The following TMEM217 variants were observed in gnomAD, a reference collection of about 807,000 sequenced individuals.
TMEM217 encodes chromosome 6 open reading frame 128.
For missense variants in TMEM217, 204 were observed against 248.8 expected (o/e 0.82, Z 1.21); for synonymous variants, 76 against 88.3 (o/e 0.86, Z 0.78).
chr6:37,232,057 CA>C (rs1331046367), intron 1 of TMEM217, among the ~76,000 whole-genome samples: 1 of 152,104 alleles, frequency 6.6e-6, no homozygotes, highest in African/African-American at 2.4e-5. Context: ...AAGGATAAGT[CA>C]CCTTATGAGG....
At chr6:37,249,410 T>A (rs1017404718) in intron 1 of TMEM217, among the ~76,000 whole-genome samples, 4 of 152,192 alleles carry the variant, frequency 2.6e-5, no homozygotes, top group Non-Finnish European at 2.9e-5. Context: ...ACCTCCACTT[T>A]CCAGGTTCAA....
At chr6:37,216,001 GTGTGTGTGTGTGT>G (rs1763183308), downstream of TMEM217, among the ~76,000 whole-genome samples, 1 of 17,598 alleles carries the variant, frequency 5.7e-5, no homozygotes, top group Non-Finnish European at 1.1e-4. Context: ...CAGGGTGTGT[GTGTGTGTGTGTGT>G]GTGTGTGTGT....
At chr6:37,242,573 C>A (rs1764823620) in intron 1 of TMEM217, among the ~76,000 whole-genome samples, 1 of 152,144 alleles carries the variant, frequency 6.6e-6, no homozygotes, top group Non-Finnish European at 1.5e-5. Flanking sequence ...GAAACCAGCC[C>A]CAGCTTGGAA....
intron 1 of TMEM217, among the ~76,000 whole-genome samples, chr6:37,247,654 G>A (rs1765167052): frequency 6.6e-6 from 1 of 152,082 alleles, no homozygotes; most frequent in African/African-American, 2.4e-5. Flanking sequence ...CCAAAGTGCT[G>A]GGATTACAGG....
chr6:37,215,570 CAAAAAAAAAAAAAAAAAAA>C (rs34808595), downstream of TMEM217, among the ~76,000 whole-genome samples: 2 of 72,368 alleles, frequency 2.8e-5, no homozygotes, highest in South Asian at 5.4e-4. Flanking sequence ...GACTCTGTCT[CAAAAAAAAAAAAAAAAAAA>C]AAAAAAAAAA....
At chr6:37,218,488 T>A (rs759052149) in exon 2 of TMEM217, 1 of 1,614,048 alleles carries the variant, frequency 6.2e-7, no homozygotes, top group Admixed American at 1.7e-5. Context: ...AAATTGATAA[T>A]CTTTTATTTC....
At chr6:37,226,720 C>G (rs1191791243) in intron 1 of TMEM217, among the ~76,000 whole-genome samples, 1 of 152,012 alleles carries the variant, frequency 6.6e-6, no homozygotes, top group African/African-American at 2.4e-5. Context: ...TGCAACCACA[C>G]CCAGCTAATT....
At chr6:37,239,992 A>T (rs375442406) in intron 1 of TMEM217, among the ~76,000 whole-genome samples, 87 of 152,046 alleles carry the variant, frequency 5.7e-4, no homozygotes, top group African/African-American at 1.1e-3. Context: ...TCTAACAGGA[A>T]ATCTGGCAGT....
chr6:37,222,212 G>C (rs1178413869), intron 1 of TMEM217, among the ~76,000 whole-genome samples: 1 of 152,222 alleles, frequency 6.6e-6, no homozygotes, highest in Non-Finnish European at 1.5e-5. Context: ...TGCAGGACTG[G>C]CGGCCTGGCC....
At chr6:37,258,053 G>C in exon 1 of TMEM217, 9 of 1,516,630 alleles carry the variant, frequency 5.9e-6, no homozygotes, top group Non-Finnish European at 8.0e-6. Context: ...GCGGGCCTGG[G>C]GCGCCACAGA....
intron 1 of TMEM217, among the ~76,000 whole-genome samples, chr6:37,245,679 TAAGG>T (rs1231447361): frequency 7.3e-5 from 11 of 151,192 alleles, no homozygotes; most frequent in Non-Finnish European, 2.9e-5. Flanking sequence ...ACAGTGACAA[TAAGG>T]AAGAGGAGGA....
At chr6:37,237,848 T>C (rs1764576298) in intron 1 of TMEM217, among the ~76,000 whole-genome samples, 1 of 152,162 alleles carries the variant, frequency 6.6e-6, no homozygotes, top group South Asian at 2.1e-4. Context: ...TTTAGGACTT[T>C]ATATAGATGC....
chr6:37,229,346 T>TTTTTTTG (rs1764051974), intron 1 of TMEM217, among the ~76,000 whole-genome samples: 1 of 128,202 alleles, frequency 7.8e-6, no homozygotes, highest in Non-Finnish European at 1.6e-5. Context: ...TTTTTTTTTT[T>TTTTTTTG]TTTTTTTTTT....
chr6:37,246,985 T>G (rs929669014), intron 1 of TMEM217, among the ~76,000 whole-genome samples: 1 of 152,090 alleles, frequency 6.6e-6, no homozygotes. Flanking sequence ...GGTTAGGAGT[T>G]TGGATTTCAT....
chr6:37,218,808 T>G (rs773024052), exon 2 of TMEM217: 1 of 1,614,058 alleles, frequency 6.2e-7, no homozygotes, highest in Non-Finnish European at 8.5e-7. Context: ...ATGAGGATGG[T>G]GATGAAAGAC....
chr6:37,223,264 CCTAA>C (rs985368858), intron 1 of TMEM217, among the ~76,000 whole-genome samples: 12 of 151,520 alleles, frequency 7.9e-5, no homozygotes, highest in South Asian at 2.1e-4. Context: ...ATTCAAGAAA[CCTAA>C]CTGATTGCTA....
rs147237302 is a variant in TMEM217 at position 37,255,059 on chromosome 6, C to T, written c.-12+2509G>A. The stretch of plus-strand genomic sequence containing the variant: ...TGGCAGTAATGATTGCATGCCCACC[C>T]GCCACTCACCTCCTGCTGTGCGGCC... On this transcript the variant is annotated intron_variant, in intron 1 of 1. Coordinates refer to ENST00000357219, the Ensembl canonical transcript of TMEM217. 3.4e-3 allele frequency among the ~76,000 whole-genome samples: 518 copies of T among 152,250 alleles called. 6 individuals are homozygous for T. The highest frequency in any genetic ancestry group is 0.015 in the South Asian group (71 of 4,814).
chr6:37,247,284 T>C (rs1583487270), intron 1 of TMEM217, among the ~76,000 whole-genome samples: 1 of 152,254 alleles, frequency 6.6e-6, no homozygotes, highest in African/African-American at 2.4e-5. Flanking sequence ...GAGACAAGGA[T>C]TTGAGTCCAA....
intron 1 of TMEM217, among the ~76,000 whole-genome samples, chr6:37,219,402 A>G (rs911690815): frequency 2.6e-5 from 4 of 152,198 alleles, no homozygotes; most frequent in Admixed American, 2.0e-4. Flanking sequence ...TAATTTTCGT[A>G]TGTAGCCAGT....
Sources: allele counts gnomAD v4.1 joint callset (sites outside exome capture counted in the v4.1 genomes callset), GRCh38; gene constraint gnomAD v4.1.1; transcripts MANE v1.5; gene names NCBI Gene and HGNC (gene_info 2026-07-23, HGNC 2026-07-21).